Variants in PTK2 observed in about 807,000 individuals in gnomAD.
The protein encoded by PTK2 is protein tyrosine kinase 2.
PTK2 carries 45 observed loss-of-function variants against 150.1 expected under a neutral mutation model. That is an observed-to-expected ratio of 0.30 (90% CI 0.24 to 0.38). The LOEUF is 0.38. Ranked by LOEUF, PTK2 falls within the 10% of genes least tolerant of loss-of-function variation. The pLI is 1.00. For synonymous variants in PTK2, 432 were observed against 449.2 expected (o/e 0.96, Z 0.48); for missense variants, 919 against 1,307.3 (o/e 0.70, Z 4.58).
At chr8:140,759,990 G>A (rs968039090) in intron 16 of PTK2, among the ~76,000 whole-genome samples, 2 of 152,100 alleles carry the variant, frequency 1.3e-5, no homozygotes, top group East Asian at 1.9e-4. Context: ...TTGGGAGGCC[G>A]AGGCAGGCGG....
intron 14 of PTK2, among the ~76,000 whole-genome samples, chr8:140,783,203 G>A (rs2100082896): frequency 6.6e-6 from 1 of 152,170 alleles, no homozygotes; most frequent in South Asian, 2.1e-4. Context: ...TCAAGCCACT[G>A]CAATCCAGCC....
intron 4 of PTK2, among the ~76,000 whole-genome samples, chr8:140,873,331 A>T (rs1049643326): frequency 6.6e-6 from 1 of 152,210 alleles, no homozygotes; most frequent in Non-Finnish European, 1.5e-5. Flanking sequence ...GAGTTTCACT[A>T]AGGTATCGAT....
intron 5 of PTK2, among the ~76,000 whole-genome samples, chr8:140,857,601 G>C (rs373448237): frequency 6.6e-6 from 1 of 152,242 alleles, no homozygotes; most frequent in Admixed American, 6.5e-5. Context: ...GACGAAATAA[G>C]AACAAATACA....
intron 7 of PTK2, among the ~76,000 whole-genome samples, chr8:140,834,418 T>G: frequency 6.6e-6 from 1 of 152,158 alleles, no homozygotes; most frequent in Non-Finnish European, 1.5e-5. Context: ...TAAGAAGCCT[T>G]TCGTTGGGAC....
intron 24 of PTK2, among the ~76,000 whole-genome samples, chr8:140,703,429 A>G (rs1311131216): frequency 1.3e-5 from 2 of 151,946 alleles, no homozygotes; most frequent in Non-Finnish European, 2.9e-5. Flanking sequence ...AGCTAGTGCA[A>G]ATATATACTA....
At chr8:140,803,918 A>G (rs988266850) in intron 10 of PTK2, among the ~76,000 whole-genome samples, 2 of 152,196 alleles carry the variant, frequency 1.3e-5, no homozygotes, top group Admixed American at 6.5e-5. Context: ...GTTACCACTG[A>G]GAGAGAACAG....
intron 21 of PTK2, among the ~76,000 whole-genome samples, chr8:140,738,651 C>T (rs1243692431): frequency 6.6e-6 from 1 of 152,058 alleles, no homozygotes; most frequent in African/African-American, 2.4e-5. Flanking sequence ...CAAGTGTTTA[C>T]TGTTTAATGT....
chr8:140,659,957 T>C (rs2077083856), intron 31 of PTK2, among the ~76,000 whole-genome samples: 1 of 152,230 alleles, frequency 6.6e-6, no homozygotes, highest in African/African-American at 2.4e-5. Context: ...AGCAATAGGA[T>C]GTAAAAATCA....
intron 14 of PTK2, chr8:140,765,069 C>T (rs4246123): frequency 6.6e-6 from 1 of 152,000 alleles, no homozygotes; most frequent in East Asian, 1.9e-4. Context: ...TGTGGTAACA[C>T]CTATACTGAA....
intron 17 of PTK2, among the ~76,000 whole-genome samples, chr8:140,750,819 C>T (rs534547648): frequency 2.6e-5 from 4 of 152,322 alleles, no homozygotes; most frequent in Admixed American, 1.3e-4. Context: ...GGCACAGTGG[C>T]TCACGCCTGT....
rs969775709 is a variant in PTK2 at position 140,739,015 on chromosome 8, C to T, written c.1825+3G>A. On this transcript the variant is annotated splice_donor_region_variant and intron_variant, in intron 21 of 31. Coordinates refer to ENST00000522684, the Ensembl canonical transcript of PTK2. ...AGAATACAAAACTTTTAAGAGTACT[C>T]ACCAAACATCCATACGTCACTAGCT... The T allele has an allele frequency of 2.0e-6, 3 of 1,530,940 alleles. No homozygotes were observed. Among genetic ancestry groups the T allele is most frequent in the Non-Finnish European group, 2.6e-6 (3 of 1,135,002 alleles). 94.8% of individuals were successfully genotyped at this position (1,530,940 alleles called of 1,614,324 possible). A position where few individuals can be genotyped will look rare whatever the true frequency, so the allele number is the denominator to read the frequency against.
intron 27 of PTK2, among the ~76,000 whole-genome samples, chr8:140,678,231 A>G (rs2100014987): frequency 6.6e-6 from 1 of 151,870 alleles, no homozygotes; most frequent in Admixed American, 6.6e-5. Flanking sequence ...TATTTTTGGT[A>G]AAAACGGGGT....
At chr8:140,890,302 C>A in intron 3 of PTK2, 4 of 398,620 alleles carry the variant, frequency 1.0e-5, no homozygotes, top group Non-Finnish European at 1.7e-5. Flanking sequence ...AAAAATAAGT[C>A]AATGGTATTT....
intron 21 of PTK2, among the ~76,000 whole-genome samples, chr8:140,738,261 T>C (rs1428623175): frequency 2.0e-5 from 3 of 152,160 alleles, no homozygotes; most frequent in Non-Finnish European, 2.9e-5. Flanking sequence ...GGATTTCAAC[T>C]GGAAGAAGAA....
intron 21 of PTK2, 99 bp from the exon 25 acceptor site, chr8:140,735,554 T>C: frequency 9.4e-7 from 1 of 1,062,784 alleles, no homozygotes; most frequent in East Asian, 2.4e-5. Context: ...GAGTACCAGC[T>C]GGGAGGTAAT....
chr8:140,983,221 T>C (rs1349318420), intron 1 of PTK2, among the ~76,000 whole-genome samples: 3 of 151,890 alleles, frequency 2.0e-5, no homozygotes, highest in African/African-American at 7.3e-5. Flanking sequence ...ACCCTGTCTC[T>C]ACTAAAAATG....
chr8:140,921,194 T>C (rs1338691783), intron 2 of PTK2: 6 of 1,014,524 alleles, frequency 5.9e-6, no homozygotes, highest in Middle Eastern at 4.0e-4. Context: ...AGCTTAGTAA[T>C]GTGACCCCAT....
intron 22 of PTK2, among the ~76,000 whole-genome samples, chr8:140,719,770 T>G (rs1191201633): frequency 6.6e-6 from 1 of 150,800 alleles, no homozygotes; most frequent in Non-Finnish European, 1.5e-5. Context: ...ATGCCTGTAA[T>G]CCCAGCATTC....
chr8:140,710,779 G>T (rs2100036375), intron 23 of PTK2, among the ~76,000 whole-genome samples: 1 of 152,222 alleles, frequency 6.6e-6, no homozygotes, highest in Non-Finnish European at 1.5e-5. Flanking sequence ...TGCATCTGTG[G>T]ATTTGAATCT....
Sources: gnomAD v4.1 joint callset for allele counts (sites outside exome capture counted in the v4.1 genomes callset) on GRCh38, gnomAD v4.1.1 for gene constraint, MANE v1.5 for transcripts, NCBI Gene and HGNC (gene_info 2026-07-23, HGNC 2026-07-21) for gene names.